Variants in ZC3H15 observed in about 807,000 individuals in gnomAD.
The protein encoded by ZC3H15 is zinc finger CCCH-type containing 15, also known as zinc finger CCCH domain-containing protein 15.
A neutral mutation model predicts 51.2 loss-of-function variants in ZC3H15; 15 were observed. The observed-to-expected ratio is 0.29, with a 90% CI of 0.20 to 0.45. The LOEUF is 0.45. Among genes scored for constraint, ZC3H15 ranks in the 20% least tolerant of loss-of-function variants. The pLI, the probability that ZC3H15 is intolerant of heterozygous loss-of-function variation, is 1.00. For synonymous variants in ZC3H15, 144 were observed against 162.8 expected, an observed-to-expected ratio of 0.88 and a Z score of 0.88; for missense variants, 381 against 494.7, an observed-to-expected ratio of 0.77 and a Z score of 2.18.
chr2:186,497,314 T>G (rs1685298288), intron 2 of ZC3H15, among the ~76,000 whole-genome samples: 1 of 152,228 alleles, frequency 6.6e-6, no homozygotes, highest in Non-Finnish European at 1.5e-5. Context: ...CCCAACACTT[T>G]CCTTTCACAT....
Position 186,491,270 on chromosome 2 carries a change from A to T in ZC3H15, c.76-3963A>T, listed in dbSNP as rs573339681. ...GTTCAAATATCATCTGTCACTTAAT[A>T]GTTAACATTTACTGGCCCAGACAAG... is the stretch of plus-strand genomic sequence containing the variant. On this transcript the variant is annotated intron_variant, in intron 1 of 9. Coordinates refer to ENST00000337859, the MANE Select transcript of ZC3H15 (RefSeq NM_018471.3). 4.6e-5 allele frequency among the ~76,000 whole-genome samples: 7 copies of T among 152,270 alleles called. No individual in the cohort carries two copies. The South Asian group carries it at 1.5e-3, about 32-fold the overall frequency.
At chr2:186,506,422 A>G (rs1013116550) in intron 8 of ZC3H15, among the ~76,000 whole-genome samples, 2 of 152,244 alleles carry the variant, frequency 1.3e-5, no homozygotes, top group African/African-American at 4.8e-5. Context: ...TTCTTTTTAA[A>G]CGAAGTTTAG....
intron 5 of ZC3H15, 124 bp downstream of exon 5, chr2:186,502,711 A>C: frequency 2.7e-6 from 2 of 744,084 alleles, no homozygotes; most frequent in South Asian, 4.3e-5. Context: ...TGATTTCATC[A>C]AGATAAGGTA....
rs574505149 is a variant in ZC3H15 at position 186,494,828 on chromosome 2, C to G, written c.76-405C>G. ...CACACCGGGGCCTGTTGTGGGGTGG[C>G]GGAGGGGAGGGATAGCATTAGGAGA... On this transcript the variant is annotated intron_variant, in intron 1 of 9. Transcript: ENST00000337859. Among the ~76,000 whole-genome samples, 702 of 151,804 alleles carry G rather than the reference C, an allele frequency of 4.6e-3. 3 individuals carry two copies. The highest frequency in any genetic ancestry group is 0.016 in the African/African-American group (657 of 41,380).
intron 2 of ZC3H15, among the ~76,000 whole-genome samples, chr2:186,496,221 AATTT>A (rs1559009352): frequency 2.6e-5 from 4 of 152,124 alleles, no homozygotes. Context: ...ATGTCATATG[AATTT>A]ATTTTATATA....
At position 186,501,444 on chromosome 2, in the gene ZC3H15, C is replaced by T; in HGVS notation, c.442+19C>T. 1.3e-6 allele frequency: 2 copies of T among 1,597,100 alleles called. No individual in the cohort carries two copies. Among genetic ancestry groups the T allele is most frequent in the South Asian group, 2.3e-5 (2 of 88,864 alleles). On this transcript the variant is annotated intron_variant, in intron 4 of 9. Coordinates refer to ENST00000337859, the MANE Select transcript of ZC3H15 (RefSeq NM_018471.3). ...GAAAAAGGTAATTTTTTTAAAAACA[C>T]TCTCTTAAAAATAAATGTTGAATAC...
Position 186,506,753 on chromosome 2 carries a change from T to C in ZC3H15, c.1007T>C (p.Leu336Pro). The C allele has an allele frequency of 6.2e-7, 1 of 1,613,812 alleles. No homozygotes were observed. The highest frequency in any genetic ancestry group is 8.5e-7 in the Non-Finnish European group (1 of 1,179,814). The change falls in exon 9 of 10, where the codon CTG becomes CCG. Residue 336 changes from leucine (L) to proline (P), a missense_variant. By Grantham distance (98) the Leu-to-Pro change is moderately conservative. Transcript: ENST00000337859. ...SVSVNDIDLS[L>P]YIPRDVDETG... The stretch of plus-strand genomic sequence containing the variant: ...AGTGTAAATGACATAGATTTAAGCC[T>C]GTACATCCCAAGAGATGTAGATGAA...
Position 186,494,181 on chromosome 2 carries a change from T to C in ZC3H15, c.76-1052T>C, listed in dbSNP as rs116923879. Among the ~76,000 whole-genome samples, 4 of 152,210 alleles carry C rather than the reference T, an allele frequency of 2.6e-5. No homozygotes were observed. The East Asian group carries it at 7.7e-4, about 29-fold the overall frequency. On this transcript the variant is annotated intron_variant, in intron 1 of 9. Transcript: ENST00000337859. ...CACATAATGAGCATTCCATAAGTGA[T>C]AGCTGCTGTTATATTGAATATTACC...
intron 3 of ZC3H15, chr2:186,500,527 A>C (rs1204015067): frequency 1.6e-6 from 1 of 631,846 alleles, no homozygotes; most frequent in Non-Finnish European, 3.0e-6. Flanking sequence ...AGGCAAAATT[A>C]GTAATTTAAT....
At chr2:186,507,369 A>G (rs2105595242) in intron 9 of ZC3H15, 1 of 456,408 alleles carries the variant, frequency 2.2e-6, no homozygotes, top group South Asian at 1.5e-5. Flanking sequence ...AAAAATGAAT[A>G]CAGTCCTCTC....
chr2:186,502,400 C>A, intron 4 of ZC3H15, 96 bp from the exon 5 acceptor site: 1 of 1,012,516 alleles, frequency 9.9e-7, no homozygotes, highest in Non-Finnish European at 1.4e-6. Flanking sequence ...TGTGTTAAGC[C>A]ATGAGTCTTA....
intron 5 of ZC3H15, 64 bp downstream of exon 5, chr2:186,502,651 G>C: frequency 7.7e-7 from 1 of 1,306,540 alleles, no homozygotes; most frequent in South Asian, 1.3e-5. Flanking sequence ...ATGTGGCAAG[G>C]TATTTGCTGC....
Position 186,501,290 on chromosome 2 carries a change from G to A in ZC3H15, c.307G>A (p.Val103Ile). Residue 103 changes from valine to isoleucine, a missense_variant, in exon 4 of 10, where the codon GTA (valine) becomes ATA (isoleucine). Coordinates refer to ENST00000337859, the MANE Select transcript of ZC3H15 (RefSeq NM_018471.3). ...KISKGADPKS[V>I]VCAFFKQGQC... ...TGACATAGGTGCAGATCCCAAGTCT[G>A]TAGTATGTGCATTCTTCAAGCAAGG... 1.9e-6 allele frequency: 3 copies of A among 1,609,872 alleles called. No homozygotes were observed. The highest frequency in any genetic ancestry group is 2.5e-6 in the Non-Finnish European group (3 of 1,178,046).
At position 186,486,272 on chromosome 2, in the gene ZC3H15, G is replaced by C. The variant is rs908280522; in HGVS notation, c.-111G>C. ...GGGGCCAATGAGCGACTCGCTTTCC[G>C]TGCGGTGCGGCGAGTGAGGCCCCGG... On this transcript the variant is annotated 5_prime_UTR_variant, in exon 1 of 10. Coordinates refer to ENST00000337859, the MANE Select transcript of ZC3H15 (RefSeq NM_018471.3). 8 of 1,223,412 alleles carry C rather than the reference G, an allele frequency of 6.5e-6. No homozygotes were observed. The highest frequency in any genetic ancestry group is 2.4e-4 in the Middle Eastern group (1 of 4,120). 75.8% of individuals were successfully genotyped at this position (1,223,412 alleles called of 1,614,324 possible). A position where few individuals can be genotyped will look rare whatever the true frequency, so the allele number is the denominator to read the frequency against.
At chr2:186,503,987 T>TG in intron 5 of ZC3H15, 45 bp from the exon 6 acceptor site, 1 of 1,443,546 alleles carries the variant, frequency 6.9e-7, no homozygotes, top group Non-Finnish European at 9.2e-7. Flanking sequence ...ACCTTGGAAA[T>TG]GGCCTACACT....
chr2:186,492,520 G>A (rs1432788374), intron 1 of ZC3H15, among the ~76,000 whole-genome samples: 1 of 152,154 alleles, frequency 6.6e-6, no homozygotes, highest in African/African-American at 2.4e-5. Context: ...AAGCATTTAA[G>A]TAGAGGAAAG....
At position 186,501,429 on chromosome 2, in the gene ZC3H15, A is replaced by T. The variant is rs1239021117; in HGVS notation, c.442+4A>T. 6.2e-7 allele frequency: 1 copy of T among 1,603,118 alleles called. No individual in the cohort carries two copies. Among genetic ancestry groups the T allele is most frequent in the East Asian group, 2.2e-5 (1 of 44,734 alleles). ...AGAGATGAAGAACTTGAAAAAGGTA[A>T]TTTTTTTAAAAACACTCTCTTAAAA... On this transcript the variant is annotated splice_donor_region_variant and intron_variant, in intron 4 of 9. Coordinates refer to ENST00000337859, the MANE Select transcript of ZC3H15 (RefSeq NM_018471.3).
In ZC3H15 at chr2:186,486,325, A is replaced by G; in HGVS notation, c.-58A>G. 2 of 1,464,202 alleles carry G rather than the reference A, an allele frequency of 1.4e-6. No individual in the cohort carries two copies. Among genetic ancestry groups the G allele is most frequent in the Non-Finnish European group, 1.8e-6 (2 of 1,097,214 alleles). The allele number at this position is 1,464,202 out of a possible 1,614,324, so 90.7% of individuals were successfully genotyped here. On this transcript the variant is annotated 5_prime_UTR_variant, in exon 1 of 10. Transcript: ENST00000337859. Reference sequence around the variant, plus strand: ...TTCCTCCTCGTCCTGCCGCAGGGCCAGAACCCCTGACGGTATTCAGCTGCG... The same window carrying G: ...TTCCTCCTCGTCCTGCCGCAGGGCCGGAACCCCTGACGGTATTCAGCTGCG...
chr2:186,506,218 T>C, intron 8 of ZC3H15: 1 of 334,470 alleles, frequency 3.0e-6, no homozygotes, highest in South Asian at 2.7e-5. Context: ...TGCACTAATT[T>C]AAAACTGCAG....
Sources: gnomAD v4.1 joint callset for allele counts (sites outside exome capture counted in the v4.1 genomes callset) on GRCh38, gnomAD v4.1.1 for gene constraint, MANE v1.5 for transcripts, NCBI Gene and HGNC (gene_info 2026-07-23, HGNC 2026-07-21) for gene names.